Variants in SUCLG2 observed in about 807,000 individuals in gnomAD.
SUCLG2 encodes succinate--CoA ligase [GDP-forming] subunit beta, mitochondrial.
Under a neutral mutation model 47.9 loss-of-function variants are expected in SUCLG2, and 42 were observed. The observed-to-expected ratio is 0.88, with a 90% CI of 0.69 to 1.14. The LOEUF is 1.14. SUCLG2 is among the 50% of genes most tolerant of loss of function. SUCLG2 has a pLI of 0.00. For missense variants in SUCLG2, 571 were observed against 525.9 expected, an observed-to-expected ratio of 1.09 and a Z score of -0.84; for synonymous variants, 195 against 197.3, an observed-to-expected ratio of 0.99 and a Z score of 0.10.
chr3:67,623,023 T>C (rs1212357281), intron 1 of SUCLG2, among the ~76,000 whole-genome samples: 1 of 152,200 alleles, frequency 6.6e-6, no homozygotes, highest in Non-Finnish European at 1.5e-5. Context: ...GTGGCACAAA[T>C]AACTCTAGAA....
chr3:67,572,799 G>C (rs2634726), intron 2 of SUCLG2, among the ~76,000 whole-genome samples: 144,252 of 152,056 alleles, frequency 0.95, 68,907 homozygotes, highest in South Asian at 1. Flanking sequence ...CAACATGGTA[G>C]TAGAGGTTGA....
chr3:67,506,577 T>C (rs576528842), intron 7 of SUCLG2, among the ~76,000 whole-genome samples: 125 of 152,304 alleles, frequency 8.2e-4, no homozygotes, highest in African/African-American at 2.8e-3. Flanking sequence ...AAGGTTCCCA[T>C]ACCCCTGTTC....
rs3221813 is a variant in SUCLG2, at chr3:67,642,918, CTGTGTGTGTGTG to C, written c.84+11573_84+11584del. ...CAGGCAAGTCCAACAGAAAAGGACTCTGTGTGTGTGTGTGTGTGTGTGTGTGTGTGTGTGAGA... is the reference window on the plus strand; with the variant it reads ...CAGGCAAGTCCAACAGAAAAGGACTCTGTGTGTGTGTGTGTGTGTGTGAGA... On this transcript the variant is annotated intron_variant, in intron 1 of 10. Transcript: ENST00000307227. Among the ~76,000 whole-genome samples the C allele has an allele frequency of 7.5e-5, 11 of 146,618 alleles. No homozygotes were observed. In the South Asian group the frequency reaches 2.0e-3, roughly 27 times the overall value.
chr3:67,398,560 T>G (rs753695726), intron 10 of SUCLG2, among the ~76,000 whole-genome samples: 9,793 of 150,112 alleles, frequency 0.065, 275 homozygotes, highest in Middle Eastern at 0.13. Context: ...GGAACACTTT[T>G]ACACTGTTGG....
At chr3:67,428,492 G>C (rs1703368152) in intron 9 of SUCLG2, among the ~76,000 whole-genome samples, 1 of 152,166 alleles carries the variant, frequency 6.6e-6, no homozygotes, top group Admixed American at 6.5e-5. Flanking sequence ...AAGATGGTGA[G>C]AAACCAGAGC....
intron 2 of SUCLG2, among the ~76,000 whole-genome samples, chr3:67,537,529 T>C (rs1055410472): frequency 6.6e-6 from 1 of 152,234 alleles, no homozygotes; most frequent in African/African-American, 2.4e-5. Context: ...GAAATAAACA[T>C]ACGTGTGCAT....
At chr3:67,640,366 T>C (rs75891311) in intron 1 of SUCLG2, among the ~76,000 whole-genome samples, 2,326 of 152,336 alleles carry the variant, frequency 0.015, 68 homozygotes, top group African/African-American at 0.052. Flanking sequence ...AAACAGAGTT[T>C]AGTAAGGAAA....
intron 9 of SUCLG2, among the ~76,000 whole-genome samples, chr3:67,476,281 C>T (rs1030778258): frequency 4.6e-5 from 7 of 151,924 alleles, no homozygotes; most frequent in African/African-American, 7.3e-5. Flanking sequence ...ACAGCTGCTC[C>T]CCATGGCTCG....
Position 67,375,967 on chromosome 3 carries a change from A to T in SUCLG2, c.1184-108T>A, listed in dbSNP as rs961541239. On this transcript the variant is annotated intron_variant, in intron 10 of 10. Transcript: ENST00000307227. Reference sequence around the variant, plus strand: ...CCTGTCTACAGCTTTTCACTAGGAAATGAATTAAATATAGGTTCTCATCAA... The same window carrying T: ...CCTGTCTACAGCTTTTCACTAGGAATTGAATTAAATATAGGTTCTCATCAA... The T allele has an allele frequency of 9.6e-6, 14 of 1,455,524 alleles. 1 individual carries two copies. In the East Asian group the frequency reaches 3.6e-4, roughly 37 times the overall value. 90.2% of individuals were successfully genotyped at this position (1,455,524 alleles called of 1,614,324 possible).
At chr3:67,397,601 A>T (rs1702575974) in intron 10 of SUCLG2, among the ~76,000 whole-genome samples, 1 of 152,304 alleles carries the variant, frequency 6.6e-6, no homozygotes, top group African/African-American at 2.4e-5. Flanking sequence ...TGCCCAAGGT[A>T]ATTTATAGAT....
At chr3:67,577,258 A>G (rs1181738184) in intron 2 of SUCLG2, among the ~76,000 whole-genome samples, 1 of 152,148 alleles carries the variant, frequency 6.6e-6, no homozygotes, top group Non-Finnish European at 1.5e-5. Flanking sequence ...CAGTGAGCTG[A>G]GATCCTGCCA....
At chr3:67,625,339 C>G (rs1700808134) in intron 1 of SUCLG2, among the ~76,000 whole-genome samples, 1 of 152,140 alleles carries the variant, frequency 6.6e-6, no homozygotes. Context: ...CATGACCTTA[C>G]AAGTTTGCTG....
downstream of SUCLG2, among the ~76,000 whole-genome samples, chr3:67,373,557 T>C (rs547055955): frequency 5.9e-5 from 9 of 152,264 alleles, no homozygotes; most frequent in East Asian, 1.9e-4. Context: ...TTATGGCCTA[T>C]ATTTATTGTA....
chr3:67,589,753 C>T (rs956515472), intron 2 of SUCLG2, among the ~76,000 whole-genome samples: 3 of 152,216 alleles, frequency 2.0e-5, no homozygotes, highest in African/African-American at 7.2e-5. Context: ...AACACACATA[C>T]TCATGAGGCA....
intron 9 of SUCLG2, among the ~76,000 whole-genome samples, chr3:67,484,911 T>C (rs1254870801): frequency 2.0e-5 from 3 of 152,084 alleles, no homozygotes; most frequent in Non-Finnish European, 4.4e-5. Flanking sequence ...TCTTAAGAGG[T>C]TTTTGGTAAA....
intron 2 of SUCLG2, among the ~76,000 whole-genome samples, chr3:67,602,257 T>G (rs1350963966): frequency 6.6e-6 from 1 of 152,150 alleles, no homozygotes; most frequent in Non-Finnish European, 1.5e-5. Flanking sequence ...ACTATTATTT[T>G]TATTGGTAAA....
chr3:67,618,673 A>G, intron 1 of SUCLG2, among the ~76,000 whole-genome samples: 1 of 152,188 alleles, frequency 6.6e-6, no homozygotes, highest in East Asian at 1.9e-4. Flanking sequence ...TGTCAATTAA[A>G]AACTACTTGG....
chr3:67,588,937 G>C (rs960112024), intron 2 of SUCLG2, among the ~76,000 whole-genome samples: 1 of 152,150 alleles, frequency 6.6e-6, no homozygotes, highest in African/African-American at 2.4e-5. Flanking sequence ...AAAATATCCA[G>C]TGGATTTCAC....
At chr3:67,407,266 T>C (rs778898966) in intron 9 of SUCLG2, among the ~76,000 whole-genome samples, 7 of 152,216 alleles carry the variant, frequency 4.6e-5, no homozygotes, top group Non-Finnish European at 1.0e-4. Flanking sequence ...CTCAAATTCA[T>C]GGCAAGTATA....
Sources: gnomAD v4.1 joint callset for allele counts (sites outside exome capture counted in the v4.1 genomes callset) on GRCh38, gnomAD v4.1.1 for gene constraint, MANE v1.5 for transcripts, NCBI Gene and HGNC (gene_info 2026-07-23, HGNC 2026-07-21) for gene names.